Variants in AIM2 observed in about 807,000 individuals in gnomAD.
AIM2 encodes interferon-inducible protein AIM2.
In AIM2, 30 loss-of-function variants were observed where a neutral mutation model predicts 27.7. The observed-to-expected ratio is 1.08, with a 90% CI of 0.81 to 1.47. The LOEUF is 1.47. Among genes scored for constraint, AIM2 ranks in the 40% most tolerant of loss-of-function variants. AIM2 has a pLI of 0.00. For missense variants in AIM2, 358 were observed against 411.3 expected, an observed-to-expected ratio of 0.87 and a Z score of 1.12; for synonymous variants, 141 against 145.3, an observed-to-expected ratio of 0.97 and a Z score of 0.21.
chr1:159,073,523 T>C lies in AIM2; in HGVS notation c.-20-4A>G. ...ATCTGACAACTTTGGGATCAGCCTA[T>C]AAGGAATCCAAAACATGTAAGATTA... On this transcript the variant is annotated splice_region_variant and splice_polypyrimidine_tract_variant and intron_variant, in intron 1 of 5. Coordinates refer to ENST00000368130, the MANE Select transcript of AIM2 (RefSeq NM_004833.3). The C allele has an allele frequency of 6.3e-7, 1 of 1,599,976 alleles. No homozygotes were observed. Among genetic ancestry groups the C allele is most frequent in the East Asian group, 2.2e-5 (1 of 44,536 alleles).
chr1:159,130,399 G>A (rs1647838470), intron 1 of AIM2, among the ~76,000 whole-genome samples: 1 of 152,020 alleles, frequency 6.6e-6, no homozygotes, highest in Non-Finnish European at 1.5e-5. Context: ...ATATCTACTG[G>A]TACATATTTG....
At chr1:159,142,424 A>C (rs112673939), upstream of AIM2, among the ~76,000 whole-genome samples, 8 of 152,032 alleles carry the variant, frequency 5.3e-5, no homozygotes, top group Non-Finnish European at 1.0e-4. Flanking sequence ...TGTATGAGAG[A>C]TAGAGGGAGG....
chr1:159,077,521 G>A (rs1557897378), upstream of AIM2, among the ~76,000 whole-genome samples: 1 of 152,164 alleles, frequency 6.6e-6, no homozygotes, highest in Non-Finnish European at 1.5e-5. Flanking sequence ...AGTTTCTTCT[G>A]TGTTACATTC....
chr1:159,132,778 C>A (rs1434240147), intron 1 of AIM2, among the ~76,000 whole-genome samples: 1 of 152,216 alleles, frequency 6.6e-6, no homozygotes, highest in African/African-American at 2.4e-5. Context: ...TTATAAGAGG[C>A]AGTCCAGTAC....
At chr1:159,142,879 G>A (rs571726146), upstream of AIM2, among the ~76,000 whole-genome samples, 5 of 152,040 alleles carry the variant, frequency 3.3e-5, no homozygotes, top group Admixed American at 2.0e-4. Context: ...CTATGCTCCC[G>A]ATGACAATGC....
rs746336681 is a variant in AIM2 at position 159,063,694 on chromosome 1, C to A, written c.817-20G>T. On this transcript the variant is annotated intron_variant, in intron 4 of 5. Transcript: ENST00000368130. ...TGTTACCTATAAAAGAAAATCAACA[C>A]CCAGCCTCTGATAATCGGATTAATG... 1.1e-5 allele frequency: 18 copies of A among 1,606,424 alleles called. No individual in the cohort carries two copies. In the South Asian group the frequency reaches 2.0e-4, roughly 18 times the overall value.
intron 1 of AIM2, among the ~76,000 whole-genome samples, chr1:159,125,052 C>T (rs1238949021): frequency 6.6e-6 from 1 of 152,176 alleles, no homozygotes; most frequent in Non-Finnish European, 1.5e-5. Flanking sequence ...GCAGTGTCCC[C>T]AGGGAACAGG....
At chr1:159,069,036 G>A (rs1283814278) in intron 2 of AIM2, among the ~76,000 whole-genome samples, 3 of 151,862 alleles carry the variant, frequency 2.0e-5, no homozygotes, top group Non-Finnish European at 2.9e-5. Context: ...CAGCTACTTG[G>A]GAGGCTGAGG....
Position 159,063,585 on chromosome 1 carries a change from C to A in AIM2, c.906G>T (p.Met302Ile). ...GAACCTTATCTCCTTCCTTACATTT[C>A]ATTGTGTCCTCGTTTCTAACCCCCA... ...EVLGVRNEDT[M>I]KCKEGDKVRL... is the part of the protein sequence containing the mutation. Residue 302 changes from methionine to isoleucine, a missense_variant, in exon 5 of 6, where the codon ATG becomes ATT. Physicochemically the swap from Met to Ile is conservative, Grantham distance 10 (BLOSUM62 1). Transcript: ENST00000368130. The A allele has an allele frequency of 6.2e-7, 1 of 1,614,176 alleles. No homozygotes were observed. Among genetic ancestry groups the A allele is most frequent in the African/African-American group, 1.3e-5 (1 of 75,056 alleles).
chr1:159,069,399 C>G (rs542961755), intron 2 of AIM2, among the ~76,000 whole-genome samples: 1 of 152,062 alleles, frequency 6.6e-6, no homozygotes, highest in South Asian at 2.1e-4. Context: ...CCTCCAATGA[C>G]TAAAATAACA....
intron 3 of AIM2, among the ~76,000 whole-genome samples, chr1:159,067,949 C>G (rs1656179880): frequency 1.3e-5 from 2 of 152,060 alleles, no homozygotes; most frequent in Admixed American, 1.3e-4. Flanking sequence ...ATGGGGCCAC[C>G]TCACCTTGTC....
At chr1:159,126,261 C>A (rs1180265881) in intron 1 of AIM2, among the ~76,000 whole-genome samples, 2 of 152,222 alleles carry the variant, frequency 1.3e-5, no homozygotes, top group African/African-American at 4.8e-5. Flanking sequence ...ATTTCCTGCA[C>A]TGTGGCCACT....
chr1:159,064,180 A>C (rs1250746036), intron 4 of AIM2, among the ~76,000 whole-genome samples: 1 of 152,178 alleles, frequency 6.6e-6, no homozygotes, highest in Non-Finnish European at 1.5e-5. Flanking sequence ...TAATCCCTAC[A>C]TTGTTCAAGG....
intron 1 of AIM2, among the ~76,000 whole-genome samples, chr1:159,111,841 T>G (rs1420408135): frequency 1.5e-5 from 2 of 135,904 alleles, no homozygotes; most frequent in Non-Finnish European, 3.2e-5. Context: ...CATCTATCTA[T>G]CTATCTATCT....
intron 1 of AIM2, among the ~76,000 whole-genome samples, chr1:159,106,876 T>C (rs1657461338): frequency 6.6e-6 from 1 of 152,228 alleles, no homozygotes; most frequent in African/African-American, 2.4e-5. Context: ...AGTGCTATTA[T>C]GAGGATTAAA....
At chr1:159,140,137 C>A (rs1189522061) in intron 1 of AIM2, among the ~76,000 whole-genome samples, 3 of 151,998 alleles carry the variant, frequency 2.0e-5, no homozygotes, top group African/African-American at 4.8e-5. Flanking sequence ...TAACAATAAA[C>A]AAAAGGCTCC....
chr1:159,137,612 A>G (rs995090629), intron 1 of AIM2, among the ~76,000 whole-genome samples: 2 of 152,172 alleles, frequency 1.3e-5, no homozygotes, highest in African/African-American at 2.4e-5. Flanking sequence ...AGCTGAGATC[A>G]TGCCACTGCA....
intron 3 of AIM2, among the ~76,000 whole-genome samples, chr1:159,067,534 G>A (rs1227806399): frequency 6.6e-6 from 1 of 152,176 alleles, no homozygotes; most frequent in Admixed American, 6.5e-5. Flanking sequence ...GACTGCATTT[G>A]GATCAATGCA....
chr1:159,107,782 G>A (rs967798280), intron 1 of AIM2, among the ~76,000 whole-genome samples: 2 of 152,024 alleles, frequency 1.3e-5, no homozygotes, highest in South Asian at 2.1e-4. Flanking sequence ...ACACCTTTAC[G>A]TGCATAAACT....
Sources: allele counts gnomAD v4.1 joint callset (sites outside exome capture counted in the v4.1 genomes callset), GRCh38; gene constraint gnomAD v4.1.1; transcripts MANE v1.5; gene names NCBI Gene and HGNC (gene_info 2026-07-23, HGNC 2026-07-21).